Variants in GRB14 observed in about 807,000 individuals in gnomAD.
GRB14 encodes the protein growth factor receptor bound protein 14.
In GRB14, 38 loss-of-function variants were observed where a neutral mutation model predicts 69.1. The ratio of observed to expected loss-of-function variants is 0.55; its 90% CI spans 0.42 to 0.72. The LOEUF is 0.72. Among genes scored for constraint, GRB14 ranks in the 30% least tolerant of loss-of-function variants. GRB14 has a pLI of 0.00. For synonymous variants in GRB14, 247 were observed against 241.3 expected, an observed-to-expected ratio of 1.02 and a Z score of -0.22; for missense variants, 666 against 666.1, an observed-to-expected ratio of 1.00 and a Z score of 0.00.
chr2:164,564,086 A>G (rs1688903197), intron 2 of GRB14, among the ~76,000 whole-genome samples: 1 of 152,202 alleles, frequency 6.6e-6, no homozygotes, highest in African/African-American at 2.4e-5. Context: ...GGTGAAGCAA[A>G]AGAGTCTTAG....
At chr2:164,545,270 C>A (rs937136122) in intron 3 of GRB14, among the ~76,000 whole-genome samples, 1 of 151,998 alleles carries the variant, frequency 6.6e-6, no homozygotes, top group African/African-American at 2.4e-5. Context: ...CTATAGCCCC[C>A]GAAAGATAAC....
intron 9 of GRB14, among the ~76,000 whole-genome samples, chr2:164,498,883 A>G (rs749482529): frequency 3.3e-5 from 5 of 152,144 alleles, no homozygotes; most frequent in Non-Finnish European, 5.9e-5. Flanking sequence ...CTATATTTCT[A>G]AAGATCTGGC....
chr2:164,584,730 A>G (rs1689494094), intron 2 of GRB14, among the ~76,000 whole-genome samples: 1 of 152,168 alleles, frequency 6.6e-6, no homozygotes, highest in Admixed American at 6.5e-5. Context: ...GTCTTCCCCA[A>G]ATATTATAAA....
intron 2 of GRB14, among the ~76,000 whole-genome samples, chr2:164,580,801 A>G (rs959961005): frequency 6.6e-6 from 1 of 152,160 alleles, no homozygotes; most frequent in Non-Finnish European, 1.5e-5. Context: ...ATCTTTTGTA[A>G]CTCAGCACCC....
At chr2:164,573,853 A>T in intron 2 of GRB14, 1 of 1,612,966 alleles carries the variant, frequency 6.2e-7, no homozygotes, top group Non-Finnish European at 8.5e-7. Context: ...GGTGGATTGT[A>T]AATTTGATTA....
chr2:164,605,494 T>C (rs1163114206), intron 2 of GRB14, among the ~76,000 whole-genome samples: 2 of 152,046 alleles, frequency 1.3e-5, no homozygotes, highest in Non-Finnish European at 2.9e-5. Flanking sequence ...GCCGTGGAGG[T>C]AGATGAGATC....
chr2:164,606,767 CT>C (rs1690051251), intron 2 of GRB14, among the ~76,000 whole-genome samples: 1 of 152,110 alleles, frequency 6.6e-6, no homozygotes, highest in African/African-American at 2.4e-5. Context: ...CAAAATAGCT[CT>C]AAAGAGAAAC....
At chr2:164,527,220 T>TACAC (rs1553509573) in intron 3 of GRB14, 85 bp from the exon 4 acceptor site, 15 of 173,982 alleles carry the variant, frequency 8.6e-5, no homozygotes, top group African/African-American at 3.2e-4. Context: ...TATATATATA[T>TACAC]ACACACACAG....
rs952240741 is a variant in GRB14 at position 164,522,892 on chromosome 2, G to A, written c.679-775C>T. ...ATACAATATGTGGAAGTGACCCTTT[G>A]CCAATTCTAGGTGTGGCCCTTAACT... On this transcript the variant is annotated intron_variant, in intron 5 of 13. Transcript: ENST00000263915. Among the ~76,000 whole-genome samples the A allele has an allele frequency of 2.6e-5, 4 of 152,172 alleles. No individual in the cohort carries two copies. The South Asian group carries it at 8.3e-4, about 32-fold the overall frequency.
intron 2 of GRB14, among the ~76,000 whole-genome samples, chr2:164,570,969 G>A (rs1689110529): frequency 6.6e-6 from 1 of 152,038 alleles, no homozygotes; most frequent in African/African-American, 2.4e-5. Flanking sequence ...GCAAAATTTG[G>A]CATTTTGTGA....
At chr2:164,525,661 G>A (rs989788236) in intron 4 of GRB14, among the ~76,000 whole-genome samples, 1 of 151,986 alleles carries the variant, frequency 6.6e-6, no homozygotes. Context: ...GGCAAGTCCT[G>A]GATTCTATGT....
intron 2 of GRB14, among the ~76,000 whole-genome samples, chr2:164,610,097 T>C (rs1690132379): frequency 6.6e-6 from 1 of 152,212 alleles, no homozygotes; most frequent in Non-Finnish European, 1.5e-5. Flanking sequence ...AAACTGATTC[T>C]CTTAAATCTA....
At chr2:164,500,956 C>T (rs886117165) in intron 9 of GRB14, among the ~76,000 whole-genome samples, 3 of 152,012 alleles carry the variant, frequency 2.0e-5, no homozygotes, top group Non-Finnish European at 4.4e-5. Flanking sequence ...TAATTGCCTC[C>T]AAATATTTGG....
intron 2 of GRB14, among the ~76,000 whole-genome samples, chr2:164,602,154 A>G (rs1558879071): frequency 4.2e-5 from 6 of 141,352 alleles, no homozygotes; most frequent in East Asian, 2.2e-4. Flanking sequence ...AAAGGAAAGG[A>G]GGGAAGGGAA....
At chr2:164,550,181 G>A (rs1159729985) in intron 2 of GRB14, among the ~76,000 whole-genome samples, 2 of 152,100 alleles carry the variant, frequency 1.3e-5, no homozygotes, top group African/African-American at 4.8e-5. Flanking sequence ...CATATAGAAT[G>A]TTACACTTCC....
chr2:164,573,522 T>C (rs986707915), intron 2 of GRB14, among the ~76,000 whole-genome samples: 2 of 152,250 alleles, frequency 1.3e-5, no homozygotes, highest in Non-Finnish European at 2.9e-5. Context: ...TTCTTTTTTT[T>C]AAATGAATCA....
In GRB14 at chr2:164,619,831, G is replaced by T; in HGVS notation, c.192-12C>A. 1.3e-6 allele frequency: 2 copies of T among 1,592,924 alleles called. No homozygotes were observed. Among genetic ancestry groups the T allele is most frequent in the South Asian group, 2.3e-5 (2 of 87,728 alleles). ...CTTTCTTTTTTCTCCTACAGTAAGA[G>T]AACATAGGATGTAATTTACATAAAA... On this transcript the variant is annotated splice_polypyrimidine_tract_variant and intron_variant, in intron 1 of 13. Transcript: ENST00000263915.
chr2:164,595,579 G>A (rs1233529466), intron 2 of GRB14, among the ~76,000 whole-genome samples: 1 of 152,082 alleles, frequency 6.6e-6, no homozygotes, highest in Non-Finnish European at 1.5e-5. Flanking sequence ...GATCACAGAG[G>A]GTTTTGTAAG....
At chr2:164,516,396 G>A (rs555112152) in intron 6 of GRB14, among the ~76,000 whole-genome samples, 3 of 151,978 alleles carry the variant, frequency 2.0e-5, no homozygotes, top group Admixed American at 6.5e-5. Context: ...GCTAAGGCAG[G>A]AGAATCACTT....
Sources: gnomAD v4.1 joint callset for allele counts (sites outside exome capture counted in the v4.1 genomes callset) on GRCh38, gnomAD v4.1.1 for gene constraint, MANE v1.5 for transcripts, NCBI Gene and HGNC (gene_info 2026-07-23, HGNC 2026-07-21) for gene names.